The following GABRG3 variants were observed in gnomAD, a reference collection of about 807,000 sequenced individuals.
GABRG3 encodes gamma-aminobutyric acid receptor subunit gamma-3.
Under a neutral mutation model 48.8 loss-of-function variants are expected in GABRG3, and 25 were observed. The observed-to-expected ratio is 0.51, with a 90% CI of 0.37 to 0.72. The LOEUF is 0.72. GABRG3 is among the 30% of genes least tolerant of loss of function. GABRG3 has a pLI of 0.00. For synonymous variants in GABRG3, 227 were observed against 217.6 expected (o/e 1.04, Z -0.38); for missense variants, 394 against 577.9 (o/e 0.68, Z 3.26).
intron 5 of GABRG3, among the ~76,000 whole-genome samples, chr15:27,377,804 G>A (rs1895646489): frequency 6.6e-6 from 1 of 152,170 alleles, no homozygotes; most frequent in Admixed American, 6.5e-5. Flanking sequence ...ATAACACTTT[G>A]TAAAGCTTGT....
chr15:27,407,186 A>T (rs182532796), intron 5 of GABRG3, among the ~76,000 whole-genome samples: 50 of 152,240 alleles, frequency 3.3e-4, no homozygotes, highest in African/African-American at 1.1e-3. Flanking sequence ...TTGGCCTCCC[A>T]AATTGCTGAG....
intron 3 of GABRG3, among the ~76,000 whole-genome samples, chr15:27,134,743 C>G (rs1472551943): frequency 6.6e-6 from 1 of 152,180 alleles, no homozygotes; most frequent in Admixed American, 6.5e-5. Flanking sequence ...GTTGGTCTTG[C>G]CCTCCACAGA....
chr15:27,101,835 G>A (rs2140365266), intron 3 of GABRG3, among the ~76,000 whole-genome samples: 1 of 109,036 alleles, frequency 9.2e-6, no homozygotes. Flanking sequence ...AACGATAGCT[G>A]ATGAGCTAAA....
chr15:27,464,957 A>G (rs1327629325), intron 5 of GABRG3, among the ~76,000 whole-genome samples: 1 of 152,200 alleles, frequency 6.6e-6, no homozygotes, highest in African/African-American at 2.4e-5. Flanking sequence ...GATTATTAAA[A>G]TTGTACAAAG....
At chr15:27,312,549 A>G (rs968957975) in intron 3 of GABRG3, among the ~76,000 whole-genome samples, 13 of 152,200 alleles carry the variant, frequency 8.5e-5, no homozygotes, top group Admixed American at 7.9e-4. Flanking sequence ...AGAGAAAAGC[A>G]AGTTGTCACA....
At chr15:27,430,016 G>A (rs1484666035) in intron 5 of GABRG3, among the ~76,000 whole-genome samples, 2 of 152,208 alleles carry the variant, frequency 1.3e-5, no homozygotes, top group East Asian at 3.9e-4. Context: ...GCAAGGCCAT[G>A]AGCAGTGTAA....
At chr15:27,156,858 T>C (rs1453107566) in intron 3 of GABRG3, among the ~76,000 whole-genome samples, 1 of 152,218 alleles carries the variant, frequency 6.6e-6, no homozygotes, top group Non-Finnish European at 1.5e-5. Context: ...TTTCCTGTCT[T>C]TTACAGGCTT....
rs1446945715 is a variant in GABRG3 at position 27,528,078 on chromosome 15, A to G, written c.1122+86A>G. On this transcript the variant is annotated intron_variant, in intron 9 of 9. Coordinates refer to ENST00000615808, the MANE Select transcript of GABRG3 (RefSeq NM_033223.5). The stretch of plus-strand genomic sequence containing the variant: ...TTGAAAGATAGATTGCTGTTGATGC[A>G]TGCATGTATTGAAGACCAATGAGTG... 4.1e-6 allele frequency: 4 copies of G among 986,702 alleles called. No individual in the cohort carries two copies. The African/African-American group carries it at 6.4e-5, about 16-fold the overall frequency. The allele number at this position is 986,702 out of a possible 1,614,324, so 61.1% of individuals were successfully genotyped here.
chr15:27,079,296 C>CAA (rs200240229), intron 3 of GABRG3, among the ~76,000 whole-genome samples: 3 of 150,766 alleles, frequency 2.0e-5, no homozygotes, highest in African/African-American at 7.3e-5. Flanking sequence ...AAGATAGTGC[C>CAA]AAAAAAAAGG....
chr15:27,333,381 T>A (rs143524260), intron 5 of GABRG3, among the ~76,000 whole-genome samples: 176 of 152,296 alleles, frequency 1.2e-3, no homozygotes, highest in African/African-American at 4.1e-3. Flanking sequence ...CCGGCCTTTT[T>A]CAAGCTCCTA....
chr15:27,008,838 G>A (rs1895635277), intron 2 of GABRG3, among the ~76,000 whole-genome samples: 2 of 152,172 alleles, frequency 1.3e-5, no homozygotes, highest in Non-Finnish European at 2.9e-5. Flanking sequence ...AAGCTCAGCT[G>A]AGGCGATGAT....
At chr15:27,467,739 C>T (rs1310821900) in intron 5 of GABRG3, among the ~76,000 whole-genome samples, 1 of 152,190 alleles carries the variant, frequency 6.6e-6, no homozygotes, top group African/African-American at 2.4e-5. Context: ...CATGTATCTC[C>T]TCTCATATTT....
chr15:27,503,431 C>A (rs80337771), intron 6 of GABRG3, among the ~76,000 whole-genome samples: 1 of 152,192 alleles, frequency 6.6e-6, no homozygotes, highest in Admixed American at 6.5e-5. Context: ...CTCTTTAACT[C>A]TCTGCAACCC....
chr15:27,406,215 TAAATG>T (rs148726036), intron 5 of GABRG3, among the ~76,000 whole-genome samples: 15,029 of 152,072 alleles, frequency 0.099, 1,110 homozygotes, highest in African/African-American at 0.2. Flanking sequence ...AACATATAAA[TAAATG>T]GGGAGGGAAG....
At chr15:27,377,075 A>G (rs967260622) in intron 5 of GABRG3, among the ~76,000 whole-genome samples, 1 of 152,142 alleles carries the variant, frequency 6.6e-6, no homozygotes, top group Admixed American at 6.5e-5. Context: ...AGTTCCACAG[A>G]TCTCTAGGGC....
intron 5 of GABRG3, among the ~76,000 whole-genome samples, chr15:27,338,568 T>A (rs1204709881): frequency 1.3e-5 from 2 of 152,156 alleles, no homozygotes; most frequent in Non-Finnish European, 2.9e-5. Flanking sequence ...GAGTGTTGAC[T>A]TGGGGAAAGA....
intron 3 of GABRG3, among the ~76,000 whole-genome samples, chr15:27,193,232 C>G (rs1165610877): frequency 6.6e-6 from 1 of 152,178 alleles, no homozygotes. Context: ...CTGGGAGAAC[C>G]ACTGCTCTCT....
intron 3 of GABRG3, among the ~76,000 whole-genome samples, chr15:27,164,920 G>T (rs559899009): frequency 1.3e-5 from 2 of 152,140 alleles, no homozygotes; most frequent in Non-Finnish European, 2.9e-5. Context: ...GATGTCTCTC[G>T]TATCAAGCGA....
chr15:27,131,049 T>A (rs548585844), intron 3 of GABRG3, among the ~76,000 whole-genome samples: 1 of 152,244 alleles, frequency 6.6e-6, no homozygotes, highest in Admixed American at 6.5e-5. Context: ...TCCTAATTAC[T>A]CTGGCTAGAA....
Sources: gnomAD v4.1 joint callset for allele counts (sites outside exome capture counted in the v4.1 genomes callset) on GRCh38, gnomAD v4.1.1 for gene constraint, MANE v1.5 for transcripts, NCBI Gene and HGNC (gene_info 2026-07-23, HGNC 2026-07-21) for gene names.